The following ZMAT4 variants were observed in gnomAD, a reference collection of about 807,000 sequenced individuals.
ZMAT4 encodes zinc finger matrin-type protein 4.
Under a neutral mutation model 28.7 loss-of-function variants are expected in ZMAT4, and 17 were observed. The ratio of observed to expected loss-of-function variants is 0.59; its 90% CI spans 0.41 to 0.89. The LOEUF (loss-of-function observed/expected upper bound fraction) is 0.89, where lower values mean the gene tolerates loss of function less well. Among genes scored for constraint, ZMAT4 ranks in the 40% least tolerant of loss-of-function variants. The pLI, the probability that ZMAT4 is intolerant of heterozygous loss-of-function variation, is 0.00. For synonymous variants in ZMAT4, 117 were observed against 109.2 expected, an observed-to-expected ratio of 1.07 and a Z score of -0.44; for missense variants, 240 against 283.8, an observed-to-expected ratio of 0.85 and a Z score of 1.11.
intron 1 of ZMAT4, among the ~76,000 whole-genome samples, chr8:40,870,189 G>C (rs1361588046): frequency 6.6e-6 from 1 of 152,138 alleles, no homozygotes; most frequent in Admixed American, 6.6e-5. Context: ...TTCCCTAAGA[G>C]ACTTTTTACC....
chr8:40,879,392 C>T (rs1818145225), intron 1 of ZMAT4, among the ~76,000 whole-genome samples: 1 of 152,204 alleles, frequency 6.6e-6, no homozygotes, highest in Non-Finnish European at 1.5e-5. Flanking sequence ...CACTGCACTC[C>T]AGCCTGGGCA....
At chr8:40,631,986 T>C (rs1213330366) in intron 5 of ZMAT4, among the ~76,000 whole-genome samples, 1 of 152,214 alleles carries the variant, frequency 6.6e-6, no homozygotes, top group African/African-American at 2.4e-5. Context: ...AAGTGATTTC[T>C]TTCTCTGGAG....
At chr8:40,548,877 C>G (rs1803282358) in intron 6 of ZMAT4, among the ~76,000 whole-genome samples, 1 of 152,144 alleles carries the variant, frequency 6.6e-6, no homozygotes, top group African/African-American at 2.4e-5. Flanking sequence ...TTACTGACTT[C>G]TGCTAAGCTG....
intron 2 of ZMAT4, among the ~76,000 whole-genome samples, chr8:40,816,117 A>C (rs1815524512): frequency 1.3e-5 from 2 of 152,216 alleles, no homozygotes; most frequent in African/African-American, 4.8e-5. Context: ...GGCATCCGGC[A>C]AAGTGACATG....
chr8:40,606,782 T>G (rs1313491159), intron 5 of ZMAT4, among the ~76,000 whole-genome samples: 1 of 152,244 alleles, frequency 6.6e-6, no homozygotes, highest in Non-Finnish European at 1.5e-5. Flanking sequence ...TGCTTGATTA[T>G]TCCCTCAAAT....
rs567517959 is a variant in ZMAT4 at position 40,808,366 on chromosome 8, A to T, written c.102+17209T>A. ...TTGCAAAGAAAATGTGGTAATGAAA[A>T]TGCAGCTTAAGGGTGAATTTGGAAA... On this transcript the variant is annotated intron_variant, in intron 2 of 6. Transcript: ENST00000297737. 16 of 293,582 alleles carry T rather than the reference A, an allele frequency of 5.4e-5. No individual in the cohort carries two copies. In the East Asian group the frequency reaches 9.9e-4, roughly 18 times the overall value. The allele number at this position is 293,582 out of a possible 1,614,324, so 18.2% of individuals were successfully genotyped here. A position where few individuals can be genotyped will look rare whatever the true frequency, so the allele number is the denominator to read the frequency against.
At chr8:40,613,465 T>A (rs926369663) in intron 5 of ZMAT4, among the ~76,000 whole-genome samples, 1 of 152,128 alleles carries the variant, frequency 6.6e-6, no homozygotes, top group Non-Finnish European at 1.5e-5. Flanking sequence ...ATTGCAAGCG[T>A]GAGCCACCTT....
chr8:40,843,964 A>C (rs573249176), intron 1 of ZMAT4, among the ~76,000 whole-genome samples: 1 of 152,258 alleles, frequency 6.6e-6, no homozygotes, highest in East Asian at 1.9e-4. Context: ...GGCTATGTAC[A>C]CAGTGCACCT....
chr8:40,881,465 A>T (rs927646018), intron 1 of ZMAT4, among the ~76,000 whole-genome samples: 1 of 146,920 alleles, frequency 6.8e-6, no homozygotes, highest in African/African-American at 2.5e-5. Flanking sequence ...GAAAGAAAGA[A>T]AGAAAGAAAG....
intron 4 of ZMAT4, among the ~76,000 whole-genome samples, chr8:40,695,615 T>C (rs867271079): frequency 2.6e-5 from 4 of 152,180 alleles, no homozygotes; most frequent in Non-Finnish European, 4.4e-5. Context: ...CGCTTTTTCC[T>C]TTTCCTTTGG....
chr8:40,563,746 C>A (rs972847506), intron 6 of ZMAT4, among the ~76,000 whole-genome samples: 1 of 152,042 alleles, frequency 6.6e-6, no homozygotes, highest in African/African-American at 2.4e-5. Flanking sequence ...TTTTTAGACC[C>A]ATGAATTTTG....
chr8:40,601,562 A>G (rs200622028), intron 5 of ZMAT4, among the ~76,000 whole-genome samples: 2 of 132,988 alleles, frequency 1.5e-5, no homozygotes, highest in East Asian at 2.3e-4. Context: ...AAAGAAAGAA[A>G]GAAGAAAGAA....
chr8:40,716,078 A>G (rs1198449228), intron 3 of ZMAT4, among the ~76,000 whole-genome samples: 1 of 152,248 alleles, frequency 6.6e-6, no homozygotes, highest in Non-Finnish European at 1.5e-5. Flanking sequence ...CACAGAGGAA[A>G]AGAAAAGGAT....
intron 5 of ZMAT4, among the ~76,000 whole-genome samples, chr8:40,613,171 A>ACTTT (rs201810452): frequency 0.23 from 21,827 of 95,050 alleles, 5,109 homozygotes; most frequent in African/African-American, 0.36. Flanking sequence ...TTTCTTTCTT[A>ACTTT]CTTTCTTTCT....
At chr8:40,780,532 G>C (rs190012285) in intron 2 of ZMAT4, among the ~76,000 whole-genome samples, 1 of 152,234 alleles carries the variant, frequency 6.6e-6, no homozygotes, top group East Asian at 1.9e-4. Context: ...CGACATTCTT[G>C]TAGGCAACGG....
intron 1 of ZMAT4, among the ~76,000 whole-genome samples, chr8:40,843,965 C>T (rs77690012): frequency 6.6e-6 from 1 of 152,082 alleles, no homozygotes; most frequent in East Asian, 1.9e-4. Context: ...GCTATGTACA[C>T]AGTGCACCTA....
At chr8:40,717,309 C>T (rs1379177966) in intron 3 of ZMAT4, among the ~76,000 whole-genome samples, 1 of 152,182 alleles carries the variant, frequency 6.6e-6, no homozygotes, top group African/African-American at 2.4e-5. Flanking sequence ...TATTTATTAG[C>T]TTTTCTGTGT....
At chr8:40,792,780 C>T (rs112761572) in intron 2 of ZMAT4, among the ~76,000 whole-genome samples, 1 of 116,174 alleles carries the variant, frequency 8.6e-6, no homozygotes, top group African/African-American at 3.0e-5. Context: ...AAGAAAATAA[C>T]TAAGCAATCA....
At chr8:40,858,384 G>A (rs1053563692) in intron 1 of ZMAT4, among the ~76,000 whole-genome samples, 1 of 152,122 alleles carries the variant, frequency 6.6e-6, no homozygotes, top group Non-Finnish European at 1.5e-5. Context: ...TTAGTACAAG[G>A]CCATGTGCAA....
Sources: allele counts gnomAD v4.1 joint callset (sites outside exome capture counted in the v4.1 genomes callset), GRCh38; gene constraint gnomAD v4.1.1; transcripts MANE v1.5; gene names NCBI Gene and HGNC (gene_info 2026-07-23, HGNC 2026-07-21).